The following WAPL variants were observed in gnomAD, a reference collection of about 807,000 sequenced individuals.
WAPL encodes the protein wings apart-like protein homolog.
Under a neutral mutation model 121.0 loss-of-function variants are expected in WAPL, and 5 were observed. That is an observed-to-expected ratio of 0.04 (90% CI 0.02 to 0.09). WAPL has a LOEUF of 0.09. Ranked by LOEUF, WAPL falls within the 10% of genes least tolerant of loss-of-function variation. The pLI, the probability that WAPL is intolerant of heterozygous loss-of-function variation, is 1.00. For synonymous variants in WAPL, 480 were observed against 481.5 expected, an observed-to-expected ratio of 1.00 and a Z score of 0.04; for missense variants, 999 against 1,410.8, an observed-to-expected ratio of 0.71 and a Z score of 4.68.
intron 12 of WAPL, among the ~76,000 whole-genome samples, chr10:86,457,635 GAAAAA>G (rs200995828): frequency 6.8e-6 from 1 of 146,840 alleles, no homozygotes; most frequent in East Asian, 2.0e-4. Flanking sequence ...CCTGGGCTCA[GAAAAA>G]AAAATAAAAT....
At chr10:86,468,261 A>G (rs554756594) in intron 8 of WAPL, among the ~76,000 whole-genome samples, 1 of 152,174 alleles carries the variant, frequency 6.6e-6, no homozygotes, top group South Asian at 2.1e-4. Context: ...GCAGTGGCAC[A>G]TATCAGCTCA....
chr10:86,454,811 T>A (rs374691031), intron 12 of WAPL, among the ~76,000 whole-genome samples: 1 of 135,252 alleles, frequency 7.4e-6, no homozygotes, highest in African/African-American at 2.8e-5. Context: ...CGGCCGCCCA[T>A]CGTCTGAGAT....
At chr10:86,468,788 C>A (rs963231878) in intron 8 of WAPL, among the ~76,000 whole-genome samples, 5 of 151,676 alleles carry the variant, frequency 3.3e-5, no homozygotes, top group Non-Finnish European at 7.4e-5. Context: ...CATGGTGAAA[C>A]CCCATCTCTA....
intron 4 of WAPL, among the ~76,000 whole-genome samples, chr10:86,482,920 T>C (rs757005273): frequency 1.3e-5 from 2 of 152,098 alleles, no homozygotes; most frequent in Non-Finnish European, 2.9e-5. Context: ...GTAACTACAG[T>C]TAATAATAAT....
chr10:86,516,580 T>C (rs1478346653), intron 2 of WAPL, among the ~76,000 whole-genome samples: 1 of 152,148 alleles, frequency 6.6e-6, no homozygotes, highest in African/African-American at 2.4e-5. Context: ...ATCCTAATGC[T>C]GATAGAGTGC....
chr10:86,516,633 T>A (rs983022951), intron 2 of WAPL, among the ~76,000 whole-genome samples: 4 of 152,128 alleles, frequency 2.6e-5, no homozygotes, highest in African/African-American at 9.7e-5. Flanking sequence ...CCCTCAATAT[T>A]AGCTCTTCAG....
chr10:86,435,590 C>G lies in WAPL; in HGVS notation c.*1953G>C, dbSNP rs773733831. The stretch of plus-strand genomic sequence containing the variant: ...CTGCAGTTGGTGAAGTGATTATCTC[C>G]CCCACCACCTCCCCCCACCAAAATC... On this transcript the variant is annotated 3_prime_UTR_variant, in exon 19 of 19. Coordinates refer to ENST00000298767, the MANE Select transcript of WAPL (RefSeq NM_015045.5). 2.6e-5 allele frequency: 4 copies of G among 152,078 alleles called. 1 individual carries two copies. The highest frequency in any genetic ancestry group is 5.9e-5 in the Non-Finnish European group (4 of 67,940). 9.4% of individuals were successfully genotyped at this position (152,078 alleles called of 1,614,324 possible). A position where few individuals can be genotyped will look rare whatever the true frequency, so the allele number is the denominator to read the frequency against.
intron 16 of WAPL, among the ~76,000 whole-genome samples, chr10:86,444,516 G>A (rs1205484434): frequency 6.6e-6 from 1 of 152,156 alleles, no homozygotes; most frequent in Non-Finnish European, 1.5e-5. Context: ...AACAAATACT[G>A]TATCACGGAT....
rs373044417 is a variant in WAPL, at chr10:86,437,515, C to A, written c.*28G>T. ...TTGTCTAAGGATAGCTCCAGCATTA[C>A]CGAGCACCTGAAGCAAAGGTAAAGC... On this transcript the variant is annotated 3_prime_UTR_variant, in exon 19 of 19. Coordinates refer to ENST00000298767, the MANE Select transcript of WAPL (RefSeq NM_015045.5). 6.2e-7 allele frequency: 1 copy of A among 1,610,224 alleles called. No homozygotes were observed.
chr10:86,485,433 A>T (rs183979284), intron 4 of WAPL, among the ~76,000 whole-genome samples: 1 of 152,178 alleles, frequency 6.6e-6, no homozygotes, highest in African/African-American at 2.4e-5. Flanking sequence ...GCTACTCAAG[A>T]GGCTAAGGCA....
intron 4 of WAPL, among the ~76,000 whole-genome samples, chr10:86,479,770 G>A (rs1254322060): frequency 6.6e-6 from 1 of 152,184 alleles, no homozygotes; most frequent in East Asian, 1.9e-4. Context: ...GCATAACTAT[G>A]TGTGTATGTG....
chr10:86,485,663 C>A (rs546358956), intron 4 of WAPL, among the ~76,000 whole-genome samples: 19 of 152,216 alleles, frequency 1.2e-4, no homozygotes, highest in African/African-American at 4.3e-4. Flanking sequence ...TTTCCTAAGC[C>A]TTTTTGACTT....
intron 4 of WAPL, among the ~76,000 whole-genome samples, chr10:86,489,814 T>C (rs151105371): frequency 6.9e-5 from 10 of 145,738 alleles, no homozygotes; most frequent in Non-Finnish European, 1.5e-4. Flanking sequence ...TTAAATCTAA[T>C]CAGATTAGAG....
chr10:86,447,371 G>A (rs1330341035), intron 15 of WAPL, among the ~76,000 whole-genome samples: 1 of 152,212 alleles, frequency 6.6e-6, no homozygotes, highest in Non-Finnish European at 1.5e-5. Context: ...TGAGTTGTTG[G>A]GGGTTACAGG....
intron 4 of WAPL, among the ~76,000 whole-genome samples, chr10:86,484,428 A>G (rs183721737): frequency 2.6e-5 from 4 of 152,296 alleles, no homozygotes; most frequent in African/African-American, 9.6e-5. Context: ...CCAGGAGGTC[A>G]AGGCTGCAAT....
At chr10:86,507,023 A>G (rs1488112611) in intron 2 of WAPL, among the ~76,000 whole-genome samples, 1 of 151,746 alleles carries the variant, frequency 6.6e-6, no homozygotes, top group African/African-American at 2.4e-5. Context: ...GACTAAACAA[A>G]TAATAATAAA....
chr10:86,512,591 C>T (rs1182860210), intron 2 of WAPL, among the ~76,000 whole-genome samples: 8 of 152,210 alleles, frequency 5.3e-5, no homozygotes, highest in Non-Finnish European at 1.5e-5. Context: ...AAGGGTGGAC[C>T]TTTAGCTCCT....
At chr10:86,446,211 A>G in intron 16 of WAPL, 31 bp downstream of exon 16, 1 of 1,607,110 alleles carries the variant, frequency 6.2e-7, no homozygotes, top group Non-Finnish European at 8.5e-7. Flanking sequence ...CACTATCTTC[A>G]ATTTAAATAC....
intron 2 of WAPL, among the ~76,000 whole-genome samples, chr10:86,515,186 G>A (rs1011053472): frequency 5.9e-5 from 9 of 151,584 alleles, no homozygotes; most frequent in Non-Finnish European, 8.8e-5. Flanking sequence ...GCTTGAACCC[G>A]AGAGGCGGAG....
Sources: allele counts gnomAD v4.1 joint callset (sites outside exome capture counted in the v4.1 genomes callset), GRCh38; gene constraint gnomAD v4.1.1; transcripts MANE v1.5; gene names NCBI Gene and HGNC (gene_info 2026-07-23, HGNC 2026-07-21).